EPYC: variants seen among roughly 807,000 people sequenced by gnomAD.
EPYC encodes the protein dermatan sulfate proteoglycan 3.
Under a neutral mutation model 30.1 loss-of-function variants are expected in EPYC, and 28 were observed. That is an observed-to-expected ratio of 0.93 (90% CI 0.69 to 1.28). The LOEUF (loss-of-function observed/expected upper bound fraction) is 1.28. Among genes scored for constraint, EPYC ranks in the 50% most tolerant of loss-of-function variants. The probability of loss-of-function intolerance (pLI) is 0.00; values close to 1 mark genes in which losing one functional copy is unlikely to be tolerated. For missense variants in EPYC, 382 were observed against 383.5 expected (o/e 1.00, Z 0.03); for synonymous variants, 144 against 141.4 (o/e 1.02, Z -0.13).
chr12:90,981,777 A>G (rs1877331026), intron 2 of EPYC, among the ~76,000 whole-genome samples: 1 of 152,172 alleles, frequency 6.6e-6, no homozygotes, highest in South Asian at 2.1e-4. Flanking sequence ...TGTTAATTAT[A>G]CCTGTTTATG....
intron 2 of EPYC, among the ~76,000 whole-genome samples, chr12:90,979,325 A>G (rs1194058431): frequency 6.6e-6 from 1 of 152,088 alleles, no homozygotes. Flanking sequence ...CCACACCAAT[A>G]TGGCCTTTTG....
chr12:90,992,435 G>GAT (rs1228717388), intron 2 of EPYC, among the ~76,000 whole-genome samples: 6 of 152,152 alleles, frequency 3.9e-5, no homozygotes, highest in African/African-American at 7.2e-5. Context: ...AGGAGGAAAG[G>GAT]GAGAAGCCAC....
chr12:90,973,063 T>C (rs764462424), intron 3 of EPYC, 83 bp from the exon 4 acceptor site: 30 of 893,958 alleles, frequency 3.4e-5, no homozygotes, highest in Non-Finnish European at 4.6e-5. Flanking sequence ...ATACACAAGA[T>C]TAGAGTCTCC....
At chr12:91,004,523 A>T (rs76214996) in intron 1 of EPYC, among the ~76,000 whole-genome samples, 1,708 of 152,200 alleles carry the variant, frequency 0.011, 32 homozygotes, top group African/African-American at 0.039. Context: ...GCTCAAAAAA[A>T]TTTTAAATGC....
chr12:90,973,442 A>G (rs1158315305), intron 3 of EPYC, among the ~76,000 whole-genome samples: 1 of 152,230 alleles, frequency 6.6e-6, no homozygotes, highest in Non-Finnish European at 1.5e-5. Context: ...CTGGTGAAAC[A>G]GTGGTGAGCA....
intron 2 of EPYC, among the ~76,000 whole-genome samples, chr12:90,992,413 GAA>G (rs1877606049): frequency 6.6e-6 from 1 of 152,128 alleles, no homozygotes; most frequent in African/African-American, 2.4e-5. Flanking sequence ...TAGACTTCTT[GAA>G]ATCCATAGCA....
At chr12:90,999,766 TCTTTA>T (rs1194383480) in intron 2 of EPYC, among the ~76,000 whole-genome samples, 1 of 152,104 alleles carries the variant, frequency 6.6e-6, no homozygotes, top group Middle Eastern at 3.2e-3. Context: ...GGATCTATCA[TCTTTA>T]CTTTACATCA....
intron 2 of EPYC, among the ~76,000 whole-genome samples, chr12:90,995,732 T>A (rs980965836): frequency 1.8e-4 from 27 of 152,024 alleles, no homozygotes; most frequent in African/African-American, 6.3e-4. Flanking sequence ...TGAGCCTACA[T>A]GATTGTATAT....
chr12:90,969,912 G>A, intron 6 of EPYC, 132 bp downstream of exon 6: 3 of 685,170 alleles, frequency 4.4e-6, no homozygotes, highest in Non-Finnish European at 7.9e-6. Flanking sequence ...GAATAAATGA[G>A]AAAAGAGAAA....
chr12:90,964,384 T>C, intron 6 of EPYC, 58 bp from the exon 7 acceptor site: 1 of 1,325,822 alleles, frequency 7.5e-7, no homozygotes, highest in Non-Finnish European at 1.1e-6. Flanking sequence ...TATTGATTGA[T>C]AGCGCAGTCC....
chr12:90,969,618 A>G (rs1876985781), intron 6 of EPYC, among the ~76,000 whole-genome samples: 1 of 151,570 alleles, frequency 6.6e-6, no homozygotes, highest in Admixed American at 6.6e-5. Flanking sequence ...TTAATTCAAT[A>G]CATAAAACCT....
intron 3 of EPYC, among the ~76,000 whole-genome samples, chr12:90,974,097 A>T (rs1457822024): frequency 1.4e-5 from 2 of 145,222 alleles, no homozygotes; most frequent in African/African-American, 5.0e-5. Context: ...CCCCTTCTTC[A>T]TTTTCTGTTT....
chr12:91,003,021 T>C (rs1246017599), intron 1 of EPYC, among the ~76,000 whole-genome samples: 1 of 151,966 alleles, frequency 6.6e-6, no homozygotes, highest in African/African-American at 2.4e-5. Flanking sequence ...TGAGGCAGAG[T>C]TGACTGGTAA....
At chr12:90,970,965 A>G (rs1361511177) in intron 5 of EPYC, among the ~76,000 whole-genome samples, 2 of 152,224 alleles carry the variant, frequency 1.3e-5, no homozygotes, top group African/African-American at 2.4e-5. Context: ...CTCAGACCCT[A>G]TGCTGTTTTT....
At chr12:90,976,438 T>C (rs1877182178) in intron 3 of EPYC, among the ~76,000 whole-genome samples, 1 of 152,038 alleles carries the variant, frequency 6.6e-6, no homozygotes, top group Non-Finnish European at 1.5e-5. Context: ...TATTATCCCA[T>C]TTTTTTAGAT....
intron 2 of EPYC, among the ~76,000 whole-genome samples, chr12:90,998,277 T>C (rs556305612): frequency 6.6e-6 from 1 of 152,066 alleles, no homozygotes. Flanking sequence ...TTCACAGCAC[T>C]AGAGTAAAAT....
Position 90,971,787 on chromosome 12 carries a change from A to T in EPYC, c.702+13T>A, listed in dbSNP as rs751381509. The stretch of plus-strand genomic sequence containing the variant: ...TGGAAGATAAAAGTCTGCATATCAA[A>T]CTTAAAACTTACTTTAAATGCTTCT... On this transcript the variant is annotated intron_variant, in intron 5 of 6. Coordinates refer to ENST00000261172, the MANE Select transcript of EPYC (RefSeq NM_004950.5). 1 of 1,546,030 alleles carries T rather than the reference A, an allele frequency of 6.5e-7. No individual in the cohort carries two copies. Among genetic ancestry groups the T allele is most frequent in the South Asian group, 1.3e-5 (1 of 78,254 alleles).
chr12:90,976,090 G>T (rs567827740), intron 3 of EPYC, among the ~76,000 whole-genome samples: 50 of 152,044 alleles, frequency 3.3e-4, no homozygotes, highest in Non-Finnish European at 6.3e-4. Flanking sequence ...GAAGGCATGG[G>T]ATGAAAGGGC....
Position 90,991,712 on chromosome 12 carries a change from C to G in EPYC, c.165+10689G>C, listed in dbSNP as rs976230653. On this transcript the variant is annotated intron_variant, in intron 2 of 6. Transcript: ENST00000261172. ...AAATATAGATGAGGAAAGCCAAACACCAAACCTGGGTCTCATCCACAAATC... is the reference window on the plus strand; with the variant it reads ...AAATATAGATGAGGAAAGCCAAACAGCAAACCTGGGTCTCATCCACAAATC... 6.6e-5 allele frequency among the ~76,000 whole-genome samples: 10 copies of G among 152,176 alleles called. No individual in the cohort carries two copies. The South Asian group carries it at 2.1e-3, about 32-fold the overall frequency.
Sources: gnomAD v4.1 joint callset for allele counts (sites outside exome capture counted in the v4.1 genomes callset) on GRCh38, gnomAD v4.1.1 for gene constraint, MANE v1.5 for transcripts, NCBI Gene and HGNC (gene_info 2026-07-23, HGNC 2026-07-21) for gene names.